Variants in PXDNL observed in about 807,000 individuals in gnomAD.
PXDNL encodes the protein probable oxidoreductase PXDNL.
In PXDNL, 145 loss-of-function variants were observed where a neutral mutation model predicts 150.8. That is an observed-to-expected ratio of 0.96 (90% CI 0.84 to 1.10). The LOEUF (loss-of-function observed/expected upper bound fraction) is 1.10, where lower values mean the gene tolerates loss of function less well. PXDNL is among the 50% of genes least tolerant of loss of function. The probability of loss-of-function intolerance (pLI) is 0.00; values close to 1 mark genes in which losing one functional copy is unlikely to be tolerated. For missense variants in PXDNL, 2,087 were observed against 1,873.9 expected, an observed-to-expected ratio of 1.11 and a Z score of -2.10; for synonymous variants, 757 against 725.7, an observed-to-expected ratio of 1.04 and a Z score of -0.69.
At chr8:51,720,233 T>G (rs905529700) in intron 1 of PXDNL, among the ~76,000 whole-genome samples, 1 of 151,894 alleles carries the variant, frequency 6.6e-6, no homozygotes. Flanking sequence ...GGGGAAGTTT[T>G]ATACAGAAGC....
chr8:51,727,888 T>A (rs1303982996), intron 1 of PXDNL, among the ~76,000 whole-genome samples: 1 of 152,250 alleles, frequency 6.6e-6, no homozygotes, highest in African/African-American at 2.4e-5. Context: ...GTTCATGAAT[T>A]GTTCTTTGTT....
At chr8:51,685,846 T>C (rs1815861834) in intron 1 of PXDNL, among the ~76,000 whole-genome samples, 1 of 152,236 alleles carries the variant, frequency 6.6e-6, no homozygotes, top group African/African-American at 2.4e-5. Context: ...ATTGTTATGT[T>C]TTTGTGTTAT....
chr8:51,649,144 TAAGAAAAGAGA>T (rs1359993140), intron 2 of PXDNL, among the ~76,000 whole-genome samples: 1 of 152,152 alleles, frequency 6.6e-6, no homozygotes, highest in Non-Finnish European at 1.5e-5. Context: ...CAACATGCTT[TAAGAAAAGAGA>T]AACCTCTTTG....
At chr8:51,796,559 A>C (rs1269367658) in intron 1 of PXDNL, among the ~76,000 whole-genome samples, 1 of 152,226 alleles carries the variant, frequency 6.6e-6, no homozygotes, top group East Asian at 1.9e-4. Context: ...TATGCAAATA[A>C]ACTAGAAAAT....
In PXDNL at chr8:51,338,490, A is replaced by C. The variant is rs113996303; in HGVS notation, c.4146+1134T>G. ...AGTTCAGATGAGGATACTTGTTCTG[A>C]ATGATTAAATAAATTGACTGGGTCA... On this transcript the variant is annotated intron_variant, in intron 21 of 22. Transcript: ENST00000356297. 4.7e-3 allele frequency among the ~76,000 whole-genome samples: 721 copies of C among 152,348 alleles called. 5 individuals are homozygous for C. The highest frequency in any genetic ancestry group is 0.017 in the African/African-American group (696 of 41,586).
At chr8:51,683,719 C>T (rs1815809788) in intron 1 of PXDNL, among the ~76,000 whole-genome samples, 1 of 152,104 alleles carries the variant, frequency 6.6e-6, no homozygotes, top group Non-Finnish European at 1.5e-5. Flanking sequence ...AACAAAAAAG[C>T]CTCTTGATAG....
At chr8:51,379,212 G>T (rs1027968945) in intron 17 of PXDNL, among the ~76,000 whole-genome samples, 1 of 152,072 alleles carries the variant, frequency 6.6e-6, no homozygotes, top group Non-Finnish European at 1.5e-5. Context: ...TGAAACTCAT[G>T]CCATTTTCTG....
intron 5 of PXDNL, among the ~76,000 whole-genome samples, chr8:51,493,577 A>G (rs1292900887): frequency 1.3e-5 from 2 of 152,222 alleles, no homozygotes; most frequent in Non-Finnish European, 2.9e-5. Context: ...AATGCAGAGA[A>G]GTCCTTAAAG....
chr8:51,528,082 T>G (rs1161355160), intron 4 of PXDNL, among the ~76,000 whole-genome samples: 2 of 152,138 alleles, frequency 1.3e-5, no homozygotes, highest in African/African-American at 4.8e-5. Flanking sequence ...ATTGCAATAT[T>G]ACAACCAGGA....
intron 18 of PXDNL, among the ~76,000 whole-genome samples, chr8:51,372,438 G>A (rs1257054000): frequency 6.6e-6 from 1 of 152,172 alleles, no homozygotes; most frequent in Admixed American, 6.5e-5. Flanking sequence ...AGGTTGGAGT[G>A]CAGTGGCATG....
At chr8:51,323,981 T>C (rs1193762119) in intron 21 of PXDNL, among the ~76,000 whole-genome samples, 1 of 151,646 alleles carries the variant, frequency 6.6e-6, no homozygotes, top group African/African-American at 2.4e-5. Context: ...GGGTCATTAG[T>C]ATAAGAAATA....
intron 4 of PXDNL, among the ~76,000 whole-genome samples, chr8:51,531,711 A>T (rs1811911746): frequency 6.6e-6 from 1 of 152,214 alleles, no homozygotes; most frequent in Non-Finnish European, 1.5e-5. Context: ...AAGTCAAGTG[A>T]AGAAGATAGG....
At chr8:51,339,882 A>T in intron 20 of PXDNL, 129 bp from the exon 21 acceptor site, 1 of 849,960 alleles carries the variant, frequency 1.2e-6, no homozygotes, top group South Asian at 2.0e-5. Context: ...TTGTGATCTT[A>T]AAAGGAAAAT....
intron 1 of PXDNL, among the ~76,000 whole-genome samples, chr8:51,694,973 C>A (rs903410224): frequency 1.3e-5 from 2 of 152,192 alleles, no homozygotes; most frequent in African/African-American, 4.8e-5. Context: ...ATAAACCATA[C>A]ATCGTGATTC....
chr8:51,379,094 T>C (rs926558349), intron 17 of PXDNL, among the ~76,000 whole-genome samples: 5 of 152,258 alleles, frequency 3.3e-5, no homozygotes, highest in African/African-American at 9.6e-5. Flanking sequence ...TTTTTGTCCA[T>C]GGAGATTTTT....
chr8:51,571,706 G>T (rs1021906261), intron 3 of PXDNL, among the ~76,000 whole-genome samples: 1 of 151,784 alleles, frequency 6.6e-6, no homozygotes, highest in Admixed American at 6.6e-5. Flanking sequence ...CAATATCATA[G>T]GACAGAAATG....
At chr8:51,758,007 G>A (rs1340411323) in intron 1 of PXDNL, among the ~76,000 whole-genome samples, 1 of 151,994 alleles carries the variant, frequency 6.6e-6, no homozygotes, top group Non-Finnish European at 1.5e-5. Context: ...TATTTTTCAT[G>A]TACTTTGAAA....
At chr8:51,658,344 G>GAAAAAAA (rs34771782) in intron 1 of PXDNL, among the ~76,000 whole-genome samples, 9 of 94,236 alleles carry the variant, frequency 9.6e-5, no homozygotes, top group Non-Finnish European at 1.2e-4. Context: ...CCTGTCTCAA[G>GAAAAAAA]AAAAAAAAAA....
chr8:51,714,085 A>G (rs1218379080), intron 1 of PXDNL, among the ~76,000 whole-genome samples: 2 of 152,224 alleles, frequency 1.3e-5, no homozygotes, highest in Non-Finnish European at 2.9e-5. Flanking sequence ...TAGTACATTG[A>G]GTTCAACTCC....
Sources: allele counts gnomAD v4.1 joint callset (sites outside exome capture counted in the v4.1 genomes callset), GRCh38; gene constraint gnomAD v4.1.1; transcripts MANE v1.5; gene names NCBI Gene and HGNC (gene_info 2026-07-23, HGNC 2026-07-21).